Variants in MED12L observed in about 807,000 individuals in gnomAD.
The protein encoded by MED12L is mediator of RNA polymerase II transcription subunit 12-like protein.
Under a neutral mutation model 281.3 loss-of-function variants are expected in MED12L, and 60 were observed. The observed-to-expected ratio is 0.21, with a 90% confidence interval of 0.17 to 0.26. The LOEUF is 0.26. MED12L is among the 10% of genes least tolerant of loss of function. The pLI is 1.00. For missense variants in MED12L, 2,146 were observed against 2,680.9 expected (o/e 0.80, Z 4.41); for synonymous variants, 974 against 987.2 (o/e 0.99, Z 0.25).
At chr3:151,269,935 G>C (rs958461479) in intron 16 of MED12L, 3 of 424,346 alleles carry the variant, frequency 7.1e-6, no homozygotes, top group Admixed American at 5.9e-5. Context: ...AGTTGGGAGA[G>C]TTCATCAAAG....
At chr3:151,227,783 A>T (rs1048202178) in intron 16 of MED12L, among the ~76,000 whole-genome samples, 7 of 152,194 alleles carry the variant, frequency 4.6e-5, no homozygotes, top group African/African-American at 1.4e-4. Context: ...GCCTATAATG[A>T]TTGGAATAGT....
At chr3:151,347,426 C>T (rs1051275382) in intron 16 of MED12L, among the ~76,000 whole-genome samples, 1 of 152,128 alleles carries the variant, frequency 6.6e-6, no homozygotes, top group Non-Finnish European at 1.5e-5. Flanking sequence ...GGAAGACAGA[C>T]ATTAAACAAA....
At chr3:151,302,983 T>C (rs570802796) in intron 16 of MED12L, among the ~76,000 whole-genome samples, 3 of 152,276 alleles carry the variant, frequency 2.0e-5, no homozygotes, top group African/African-American at 7.2e-5. Context: ...AGAGGTTCCA[T>C]GACAACTATG....
At chr3:151,294,336 C>T (rs750011984) in intron 16 of MED12L, 4 of 1,614,102 alleles carry the variant, frequency 2.5e-6, no homozygotes, top group Non-Finnish European at 3.4e-6. Flanking sequence ...ACATTACACG[C>T]AGACAAGAAA....
intron 16 of MED12L, among the ~76,000 whole-genome samples, chr3:151,319,255 G>A (rs900893122): frequency 2.0e-5 from 3 of 152,210 alleles, no homozygotes; most frequent in Admixed American, 6.5e-5. Context: ...TCACATAATC[G>A]AAAGGTAAAC....
At chr3:151,393,849 C>G (rs1465956853) in intron 38 of MED12L, among the ~76,000 whole-genome samples, 2 of 152,036 alleles carry the variant, frequency 1.3e-5, no homozygotes, top group African/African-American at 2.4e-5. Flanking sequence ...CATCATACAC[C>G]TTGCTTTATA....
At position 151,433,857 on chromosome 3, in the gene MED12L, T is replaced by C. The variant is rs937889254; in HGVS notation, c.*1053T>C. ...TGTCAGTGTCAGTCTTGGTTGTGTATTGCATATACTGTATTTATAAATTGG... is the reference window on the plus strand; with the variant it reads ...TGTCAGTGTCAGTCTTGGTTGTGTACTGCATATACTGTATTTATAAATTGG... On this transcript the variant is annotated 3_prime_UTR_variant, in exon 45 of 45. Coordinates refer to ENST00000687756, the MANE Select transcript of MED12L (RefSeq NM_001393769.1). 12 of 152,664 alleles carry C rather than the reference T, an allele frequency of 7.9e-5. No homozygotes were observed. Among genetic ancestry groups the C allele is most frequent in the Admixed American group, 2.0e-4 (3 of 15,278 alleles). 9.5% of individuals were successfully genotyped at this position (152,664 alleles called of 1,614,324 possible). A position where few individuals can be genotyped will look rare whatever the true frequency, so the allele number is the denominator to read the frequency against.
In MED12L at chr3:151,432,734, A is replaced by G. The variant is rs1719675837; in HGVS notation, c.6491-18A>G. On this transcript the variant is annotated intron_variant, in intron 44 of 44. Coordinates refer to ENST00000687756, the MANE Select transcript of MED12L (RefSeq NM_001393769.1). ...GTTTTGTGTCTGTAATTTTGGTTCA[A>G]TTTATTTTTCTCCTTAGGCAACCAG... 2 of 1,609,376 alleles carry G rather than the reference A, an allele frequency of 1.2e-6. No homozygotes were observed. The highest frequency in any genetic ancestry group is 1.7e-6 in the Non-Finnish European group (2 of 1,176,946).
chr3:151,277,221 T>C (rs995747121), intron 16 of MED12L, among the ~76,000 whole-genome samples: 4 of 151,832 alleles, frequency 2.6e-5, no homozygotes, highest in South Asian at 2.1e-4. Context: ...TTTTTTTTTT[T>C]CCAGACATGA....
intron 16 of MED12L, chr3:151,198,374 T>A: frequency 8.1e-7 from 1 of 1,229,628 alleles, no homozygotes; most frequent in Non-Finnish European, 1.1e-6. Flanking sequence ...AAAGCTATAA[T>A]TAACTTTATG....
At chr3:151,286,381 T>C (rs571415208) in intron 16 of MED12L, among the ~76,000 whole-genome samples, 11 of 152,352 alleles carry the variant, frequency 7.2e-5, no homozygotes, top group Non-Finnish European at 1.3e-4. Context: ...AATTATTTAT[T>C]CCTTCTGCAA....
chr3:151,401,027 A>C (rs796831559), intron 39 of MED12L, among the ~76,000 whole-genome samples: 2 of 152,244 alleles, frequency 1.3e-5, no homozygotes, highest in African/African-American at 4.8e-5. Flanking sequence ...GCATGTTTTT[A>C]TACTTCTAAT....
At chr3:151,234,933 A>G (rs377275908) in intron 16 of MED12L, among the ~76,000 whole-genome samples, 2 of 152,280 alleles carry the variant, frequency 1.3e-5, no homozygotes, top group East Asian at 1.9e-4. Context: ...GAAGCAGCAA[A>G]CGTTCCAGCG....
At chr3:151,326,012 T>C (rs918270653) in intron 16 of MED12L, among the ~76,000 whole-genome samples, 2 of 152,222 alleles carry the variant, frequency 1.3e-5, no homozygotes, top group South Asian at 2.1e-4. Flanking sequence ...TCTAAAGGTG[T>C]TTGTTATATT....
At chr3:151,392,847 C>T (rs1308813768) in intron 38 of MED12L, among the ~76,000 whole-genome samples, 1 of 152,108 alleles carries the variant, frequency 6.6e-6, no homozygotes, top group Admixed American at 6.5e-5. Flanking sequence ...AGTAGTTTCT[C>T]AGAGGTACAA....
At position 151,369,353 on chromosome 3, in the gene MED12L, A is replaced by G. The variant is rs531884920; in HGVS notation, c.3551-83A>G. The stretch of plus-strand genomic sequence containing the variant: ...GCAATTAAGCACCCACAGTCTAACA[A>G]TGAAAGGCTGACTGCCTGTAAATAA... On this transcript the variant is annotated intron_variant, in intron 25 of 44. Transcript: ENST00000687756. The G allele has an allele frequency of 4.0e-5, 38 of 940,044 alleles. 1 individual carries two copies. The South Asian group carries it at 6.3e-4, about 16-fold the overall frequency. The allele number at this position is 940,044 out of a possible 1,614,324, so 58.2% of individuals were successfully genotyped here. A position where few individuals can be genotyped will look rare whatever the true frequency, so the allele number is the denominator to read the frequency against.
chr3:151,089,199 TATATC>T (rs1422392986), intron 2 of MED12L, among the ~76,000 whole-genome samples: 3 of 152,250 alleles, frequency 2.0e-5, no homozygotes, highest in Non-Finnish European at 4.4e-5. Flanking sequence ...ATATAAAATT[TATATC>T]AAATCATGTT....
chr3:151,181,113 T>C lies in MED12L; in HGVS notation c.1495-4217T>C, dbSNP rs148922453. 5.0e-4 allele frequency among the ~76,000 whole-genome samples: 76 copies of C among 152,256 alleles called. 1 individual carries two copies. The highest frequency in any genetic ancestry group is 1.7e-3 in the African/African-American group (72 of 41,550). On this transcript the variant is annotated intron_variant, in intron 11 of 44. Coordinates refer to ENST00000687756, the MANE Select transcript of MED12L (RefSeq NM_001393769.1). Reference sequence around the variant, plus strand: ...TCTTTTTTTAAAGCCATTTGGAGATTTGTCAAAATCCTAGGCTTATTTCAT... The same window carrying C: ...TCTTTTTTTAAAGCCATTTGGAGATCTGTCAAAATCCTAGGCTTATTTCAT...
At position 151,136,136 on chromosome 3, in the gene MED12L, A is replaced by G. The variant is rs559233023; in HGVS notation, c.556+8152A>G. Among the ~76,000 whole-genome samples, 259 of 152,334 alleles carry G rather than the reference A, an allele frequency of 1.7e-3. 1 individual carries two copies. Among genetic ancestry groups the G allele is most frequent in the Non-Finnish European group, 2.6e-3 (176 of 68,022 alleles). ...CTATACTCTTGTAACCACTATCCTT[A>G]TCGCTCCCAAAATACAAAGAATAAA... On this transcript the variant is annotated intron_variant, in intron 5 of 44. Transcript: ENST00000687756.
Sources: allele counts gnomAD v4.1 joint callset (sites outside exome capture counted in the v4.1 genomes callset), GRCh38; gene constraint gnomAD v4.1.1; transcripts MANE v1.5; gene names NCBI Gene and HGNC (gene_info 2026-07-23, HGNC 2026-07-21).